The following TSHR variants were observed in gnomAD, a reference collection of about 807,000 sequenced individuals.
TSHR encodes thyrotropin receptor.
TSHR carries 51 observed loss-of-function variants against 64.1 expected under a neutral mutation model. The observed-to-expected ratio is 0.80, with a 90% CI of 0.64 to 1.01. TSHR has a LOEUF of 1.01. Among genes scored for constraint, TSHR ranks in the 50% least tolerant of loss-of-function variants. The pLI, the probability that TSHR is intolerant of heterozygous loss-of-function variation, is 0.00. For synonymous variants in TSHR, 361 were observed against 361.9 expected, an observed-to-expected ratio of 1.00 and a Z score of 0.03; for missense variants, 877 against 942.8, an observed-to-expected ratio of 0.93 and a Z score of 0.91.
chr14:81,048,105 T>C (rs1453531937), intron 1 of TSHR, among the ~76,000 whole-genome samples: 1 of 152,122 alleles, frequency 6.6e-6, no homozygotes, highest in Non-Finnish European at 1.5e-5. Flanking sequence ...TTCATAACAA[T>C]AAATGAGGAG....
chr14:81,090,403 T>A (rs1038482822), intron 4 of TSHR, among the ~76,000 whole-genome samples: 4 of 152,132 alleles, frequency 2.6e-5, no homozygotes, highest in South Asian at 2.1e-4. Context: ...TGCCAACACA[T>A]GCAGCTAATT....
chr14:81,107,696 TCA>T (rs1889983783), intron 7 of TSHR, among the ~76,000 whole-genome samples: 1 of 152,068 alleles, frequency 6.6e-6, no homozygotes, highest in Non-Finnish European at 1.5e-5. Context: ...TAAACACTGC[TCA>T]CACACACACT....
intron 1 of TSHR, chr14:80,982,323 G>C (rs1431296679): frequency 3.6e-5 from 42 of 1,159,014 alleles, no homozygotes; most frequent in Non-Finnish European, 4.9e-5. Context: ...CCTGGGTCTG[G>C]GCTGAGGAAG....
intron 1 of TSHR, chr14:81,053,702 T>G (rs1005407439): frequency 6.6e-6 from 1 of 152,184 alleles, no homozygotes; most frequent in African/African-American, 2.4e-5. Flanking sequence ...ATAAATCATA[T>G]TCCTAGATAT....
rs74064800 is a variant in TSHR at position 80,989,451 on chromosome 14, A to T, written c.170+33601A>T. Among the ~76,000 whole-genome samples, 949 of 152,226 alleles carry T rather than the reference A, an allele frequency of 6.2e-3. 15 individuals are homozygous for T. The highest frequency in any genetic ancestry group is 0.022 in the African/African-American group (923 of 41,522). The stretch of plus-strand genomic sequence containing the variant: ...CCATTTCTGATTTACCAACCTCTTT[A>T]ATTTAGATAACTTAATTTACGCCTT... On this transcript the variant is annotated intron_variant, in intron 1 of 9. Coordinates refer to ENST00000298171, the MANE Select transcript of TSHR (RefSeq NM_000369.5).
intron 3 of TSHR, among the ~76,000 whole-genome samples, chr14:81,070,624 T>TA (rs1886994237): frequency 4.1e-5 from 1 of 24,556 alleles, no homozygotes; most frequent in African/African-American, 2.3e-4. Flanking sequence ...AGATTCCATC[T>TA]CAAAAAAAAA....
At chr14:81,023,633 C>A (rs137865025) in intron 1 of TSHR, among the ~76,000 whole-genome samples, 12 of 152,246 alleles carry the variant, frequency 7.9e-5, no homozygotes, top group Non-Finnish European at 1.8e-4. Flanking sequence ...TGGCAAGGTA[C>A]CTCCTGACTT....
rs886050862 is a variant in TSHR at position 81,146,251 on chromosome 14, A to G, written c.*1898A>G. ...AAGTGACTTCAACAGAATTGTTACTAAAATTTGCACTCACAACATGAAATA... is the reference window on the plus strand; with the variant it reads ...AAGTGACTTCAACAGAATTGTTACTGAAATTTGCACTCACAACATGAAATA... On this transcript the variant is annotated 3_prime_UTR_variant, in exon 10 of 10. Transcript: ENST00000298171. 1.9e-5 allele frequency: 4 copies of G among 206,768 alleles called. No individual in the cohort carries two copies. The highest frequency in any genetic ancestry group is 1.5e-3 in the Middle Eastern group (1 of 668). 12.8% of individuals were successfully genotyped at this position (206,768 alleles called of 1,614,324 possible). A position where few individuals can be genotyped will look rare whatever the true frequency, so the allele number is the denominator to read the frequency against.
intron 1 of TSHR, chr14:81,032,688 G>A (rs996344501): frequency 2.3e-6 from 1 of 433,546 alleles, no homozygotes. Flanking sequence ...TGTTGGTGAT[G>A]CATACAAGAA....
chr14:81,054,187 A>T lies in TSHR; in HGVS notation c.171-7961A>T, dbSNP rs183577318. 4.4e-3 allele frequency among the ~76,000 whole-genome samples: 666 copies of T among 152,300 alleles called. 9 individuals carry two copies. The highest frequency in any genetic ancestry group is 0.015 in the African/African-American group (643 of 41,574). ...AAGTCTCACAAGATCTGATGGTTTTAAAAACAGGAGTTTCCCTTCACAAGT... is the reference window on the plus strand; with the variant it reads ...AAGTCTCACAAGATCTGATGGTTTTTAAAACAGGAGTTTCCCTTCACAAGT... On this transcript the variant is annotated intron_variant, in intron 1 of 9. Coordinates refer to ENST00000298171, the MANE Select transcript of TSHR (RefSeq NM_000369.5).
chr14:81,114,344 G>A lies in TSHR; in HGVS notation c.692+5892G>A, dbSNP rs189489612. Among the ~76,000 whole-genome samples the A allele has an allele frequency of 2.6e-4, 39 of 152,326 alleles. 1 individual carries two copies. In the East Asian group the frequency reaches 5.6e-3, roughly 22 times the overall value. ...CGTGCACTGTGCGCGAGCCAAAGCA[G>A]GGCGAGGCATTGCCTCACTCCAGAA... On this transcript the variant is annotated intron_variant, in intron 8 of 9. Transcript: ENST00000298171.
chr14:81,109,339 G>A (rs1890121791), intron 8 of TSHR, among the ~76,000 whole-genome samples: 1 of 152,084 alleles, frequency 6.6e-6, no homozygotes, highest in Admixed American at 6.5e-5. Context: ...AACCCAGGAG[G>A]AGGAGCTTGC....
At position 81,145,778 on chromosome 14, in the gene TSHR, T is replaced by A. The variant is rs879599252; in HGVS notation, c.*1425T>A. The stretch of plus-strand genomic sequence containing the variant: ...AATAATTCTTCTTTACTTAAAATAG[T>A]CAGGATCTTTATCTACAGATGTACT... On this transcript the variant is annotated 3_prime_UTR_variant, in exon 10 of 10. Coordinates refer to ENST00000298171, the MANE Select transcript of TSHR (RefSeq NM_000369.5). 1 of 232,930 alleles carries A rather than the reference T, an allele frequency of 4.3e-6. No individual in the cohort carries two copies. The highest frequency in any genetic ancestry group is 8.5e-6 in the Non-Finnish European group (1 of 117,918). The allele number at this position is 232,930 out of a possible 1,614,324, so 14.4% of individuals were successfully genotyped here.
chr14:81,016,945 T>C (rs946758867), intron 1 of TSHR, among the ~76,000 whole-genome samples: 1 of 152,196 alleles, frequency 6.6e-6, no homozygotes, highest in African/African-American at 2.4e-5. Flanking sequence ...CAATGTTAGA[T>C]GTGTGTTGGA....
chr14:81,136,367 G>C (rs1356936353), intron 8 of TSHR, among the ~76,000 whole-genome samples: 3 of 152,160 alleles, frequency 2.0e-5, no homozygotes. Flanking sequence ...AGAATCATAG[G>C]TGTTTTGCAA....
intron 8 of TSHR, among the ~76,000 whole-genome samples, chr14:81,121,936 C>G (rs1266294863): frequency 1.2e-5 from 1 of 82,754 alleles, no homozygotes; most frequent in African/African-American, 4.8e-5. Flanking sequence ...GAGCAAGACT[C>G]TGTCTCAAAA....
At chr14:81,120,757 A>G (rs1890756899) in intron 8 of TSHR, among the ~76,000 whole-genome samples, 1 of 152,224 alleles carries the variant, frequency 6.6e-6, no homozygotes, top group South Asian at 2.1e-4. Flanking sequence ...ATAAACAGAA[A>G]AAGGAACTTG....
intron 8 of TSHR, among the ~76,000 whole-genome samples, chr14:81,135,603 ATGT>A (rs769565472): frequency 2.0e-4 from 30 of 152,314 alleles, no homozygotes; most frequent in Non-Finnish European, 3.2e-4. Flanking sequence ...GCACAATTTC[ATGT>A]TGTTGTAAAT....
At chr14:80,962,288 G>T (rs527445516) in intron 1 of TSHR, among the ~76,000 whole-genome samples, 1 of 152,268 alleles carries the variant, frequency 6.6e-6, no homozygotes, top group South Asian at 2.1e-4. Context: ...TATATGAATT[G>T]CCTAAGATTG....
Sources: gnomAD v4.1 joint callset for allele counts (sites outside exome capture counted in the v4.1 genomes callset) on GRCh38, gnomAD v4.1.1 for gene constraint, MANE v1.5 for transcripts, NCBI Gene and HGNC (gene_info 2026-07-23, HGNC 2026-07-21) for gene names.